The following PZP variants were observed in gnomAD, a reference collection of about 807,000 sequenced individuals.
The protein encoded by PZP is pregnancy zone protein.
A neutral mutation model predicts 179.8 loss-of-function variants in PZP; 150 were observed. The observed-to-expected ratio is 0.83, with a 90% CI of 0.73 to 0.96. The LOEUF is 0.96. Among genes scored for constraint, PZP ranks in the 40% least tolerant of loss-of-function variants. The pLI, the probability that PZP is intolerant of heterozygous loss-of-function variation, is 0.00. For missense variants in PZP, 1,689 were observed against 1,764.0 expected (o/e 0.96, Z 0.76); for synonymous variants, 624 against 652.3 (o/e 0.96, Z 0.66).
intron 33 of PZP, 60 bp from the exon 34 acceptor site, chr12:9,150,806 C>G: frequency 9.7e-7 from 1 of 1,026,808 alleles, no homozygotes. Flanking sequence ...CTCCCATGAG[C>G]AAAACATATT....
chr12:9,176,129 TA>T (rs1340878256), intron 15 of PZP, among the ~76,000 whole-genome samples: 2 of 152,134 alleles, frequency 1.3e-5, no homozygotes, highest in Non-Finnish European at 2.9e-5. Flanking sequence ...TATGCAGCCA[TA>T]AAAAGGATGA....
rs1271046563 is a variant in PZP at position 9,181,107 on chromosome 12, TG to T, written c.1714del (p.Gln572LysfsTer12). On this transcript the variant is annotated frameshift_variant, in exon 15 of 36. Coordinates refer to ENST00000261336, the MANE Select transcript of PZP (RefSeq NM_002864.3). LOFTEE classifies it high-confidence loss of function. ...GTGGGCATGTGAGGCTGGGGGACTT[TG>T]TGCTGGGCTGAAGCTCAAATCCACC... ...NKVDLSFSPA[Q>X]SPPASHAHLQ... The T allele has an allele frequency of 6.2e-7, 1 of 1,614,154 alleles. No individual in the cohort carries two copies. The highest frequency in any genetic ancestry group is 1.7e-5 in the Admixed American group (1 of 60,006).
In PZP at chr12:9,181,104, CTT is replaced by C; in HGVS notation, c.1716_1717del (p.Pro575SerfsTer31). On this transcript the variant is annotated frameshift_variant, in exon 15 of 36. Coordinates refer to ENST00000261336, the MANE Select transcript of PZP (RefSeq NM_002864.3). LOFTEE classifies it high-confidence loss of function. ...CAGGTGGGCATGTGAGGCTGGGGGA[CTT>C]TGTGCTGGGCTGAAGCTCAAATCCA... The C allele has an allele frequency of 6.2e-7, 1 of 1,614,136 alleles. No homozygotes were observed. Among genetic ancestry groups the C allele is most frequent in the Non-Finnish European group, 8.5e-7 (1 of 1,180,004 alleles).
the PZP span, among the ~76,000 whole-genome samples, chr12:9,140,994 A>G: frequency 6.6e-6 from 1 of 152,218 alleles, no homozygotes; most frequent in Non-Finnish European, 1.5e-5. Context: ...GCCATAACTT[A>G]AATATACTCA....
At chr12:9,157,638 CT>C (rs1296483009) in intron 27 of PZP, 128 bp downstream of exon 27, 1 of 840,680 alleles carries the variant, frequency 1.2e-6, no homozygotes, top group Admixed American at 2.4e-5. Context: ...AACCAAAGAG[CT>C]TATCAGTCTG....
At position 9,181,848 on chromosome 12, in the gene PZP, T is replaced by C. The variant is rs1029661666; in HGVS notation, c.1689+127A>G. 7.6e-6 allele frequency: 8 copies of C among 1,053,994 alleles called. No homozygotes were observed. In the Admixed American group the frequency reaches 1.1e-4, roughly 15 times the overall value. The allele number at this position is 1,053,994 out of a possible 1,614,324, so 65.3% of individuals were successfully genotyped here. A position where few individuals can be genotyped will look rare whatever the true frequency, so the allele number is the denominator to read the frequency against. On this transcript the variant is annotated intron_variant, in intron 14 of 35. Transcript: ENST00000261336. Reference sequence around the variant, plus strand: ...GATCCCTAGAAATTTGGGTCTGCCATAAACTTGTTGGGAACTGTTGGGCAA... The same window carrying C: ...GATCCCTAGAAATTTGGGTCTGCCACAAACTTGTTGGGAACTGTTGGGCAA...
intron 5 of PZP, 36 bp from the exon 6 acceptor site, chr12:9,201,096 T>A (rs201395978): frequency 3.7e-6 from 6 of 1,608,812 alleles, no homozygotes; most frequent in Non-Finnish European, 5.1e-6. Context: ...GGTAATCATT[T>A]AGTCACAATA....
chr12:9,190,924 G>C (rs147327351), intron 13 of PZP, among the ~76,000 whole-genome samples: 9 of 152,270 alleles, frequency 5.9e-5, no homozygotes, highest in South Asian at 2.1e-4. Context: ...TTTTATCATA[G>C]AGGTGTAAGT....
intron 27 of PZP, 66 bp from the exon 28 acceptor site, chr12:9,157,421 G>T: frequency 2.8e-6 from 4 of 1,412,246 alleles, no homozygotes; most frequent in Non-Finnish European, 2.9e-6. Context: ...CTGAGAGCTG[G>T]ATATTGACAG....
At chr12:9,184,541 C>A (rs1224588826) in intron 13 of PZP, among the ~76,000 whole-genome samples, 6 of 152,232 alleles carry the variant, frequency 3.9e-5, no homozygotes, top group Non-Finnish European at 7.3e-5. Context: ...CCTGCTAGCA[C>A]CCTGCCACAG....
intron 7 of PZP, among the ~76,000 whole-genome samples, chr12:9,197,353 A>G (rs2121163244): frequency 6.9e-6 from 1 of 144,118 alleles, no homozygotes; most frequent in African/African-American, 2.5e-5. Flanking sequence ...GAATATATAT[A>G]TTTATATAAA....
At chr12:9,155,459 CT>C (rs925520574) in intron 28 of PZP, among the ~76,000 whole-genome samples, 4 of 151,556 alleles carry the variant, frequency 2.6e-5, no homozygotes, top group African/African-American at 9.7e-5. Context: ...AGAATTAAAA[CT>C]TTTGATTCTT....
the PZP span, among the ~76,000 whole-genome samples, chr12:9,143,107 G>A: frequency 2.0e-5 from 3 of 152,178 alleles, no homozygotes; most frequent in African/African-American, 7.2e-5. Context: ...TTCATCAGGG[G>A]TGAGGGTTGA....
intron 22 of PZP, 148 bp from the exon 23 acceptor site, chr12:9,161,264 G>A (rs1365558734): frequency 2.8e-5 from 17 of 610,618 alleles, no homozygotes; most frequent in Non-Finnish European, 4.4e-5. Context: ...GTGATGATTT[G>A]AGGAAAAAAC....
At chr12:9,186,085 T>C (rs1782529069) in intron 13 of PZP, among the ~76,000 whole-genome samples, 2 of 151,990 alleles carry the variant, frequency 1.3e-5, no homozygotes, top group Non-Finnish European at 1.5e-5. Context: ...GGATTACAGG[T>C]ATGAGCCACT....
intron 17 of PZP, chr12:9,166,843 G>A (rs75406355): frequency 6.6e-6 from 1 of 152,202 alleles, no homozygotes; most frequent in Non-Finnish European, 1.5e-5. Context: ...ACCAACGTGA[G>A]AGGGTGGAGA....
chr12:9,192,017 T>C (rs1414866286), intron 13 of PZP, among the ~76,000 whole-genome samples, 176 bp downstream of exon 13: 2 of 152,170 alleles, frequency 1.3e-5, no homozygotes, highest in African/African-American at 4.8e-5. Context: ...ACAATCACAT[T>C]TATCTGTTGA....
Position 9,196,997 on chromosome 12 carries a change from A to AT in PZP, c.867+14dup. 6.5e-7 allele frequency: 1 copy of AT among 1,536,500 alleles called. No homozygotes were observed. Among genetic ancestry groups the AT allele is most frequent in the Non-Finnish European group, 9.0e-7 (1 of 1,109,916 alleles). On this transcript the variant is annotated intron_variant, in intron 8 of 35. Transcript: ENST00000261336. ...TAAACAGTGATAGCACTGAGGGAGA[A>AT]TACCGCCTACTAACCTGTTGACTGA... is the stretch of plus-strand genomic sequence containing the variant.
At chr12:9,203,247 A>G (rs1944265934) in intron 2 of PZP, among the ~76,000 whole-genome samples, 1 of 146,458 alleles carries the variant, frequency 6.8e-6, no homozygotes, top group African/African-American at 2.5e-5. Flanking sequence ...TTAGAAGAGT[A>G]TTTCTTCCTT....
Sources: allele counts gnomAD v4.1 joint callset (sites outside exome capture counted in the v4.1 genomes callset), GRCh38; gene constraint gnomAD v4.1.1; transcripts MANE v1.5; gene names NCBI Gene and HGNC (gene_info 2026-07-23, HGNC 2026-07-21).